CAMSAP2: variants seen among roughly 807,000 people sequenced by gnomAD.
The protein encoded by CAMSAP2 is calmodulin-regulated spectrin-associated protein 2.
A neutral mutation model predicts 146.1 loss-of-function variants in CAMSAP2; 26 were observed. The ratio of observed to expected loss-of-function variants is 0.18; its 90% confidence interval spans 0.13 to 0.25. The LOEUF (loss-of-function observed/expected upper bound fraction) is 0.25, where lower values mean the gene tolerates loss of function less well. Among genes scored for constraint, CAMSAP2 ranks in the 10% least tolerant of loss-of-function variants. The pLI is 1.00. For synonymous variants in CAMSAP2, 499 were observed against 596.6 expected (o/e 0.84, Z 2.38); for missense variants, 1,381 against 1,759.3 (o/e 0.78, Z 3.85).
intron 6 of CAMSAP2, among the ~76,000 whole-genome samples, chr1:200,839,885 G>A (rs1667273612): frequency 6.6e-6 from 1 of 152,178 alleles, no homozygotes; most frequent in Admixed American, 6.5e-5. Context: ...TAAAGTTTCT[G>A]AGAAGTCAAG....
At chr1:200,823,561 A>T (rs1666827921) in intron 4 of CAMSAP2, among the ~76,000 whole-genome samples, 1 of 152,182 alleles carries the variant, frequency 6.6e-6, no homozygotes, top group Admixed American at 6.5e-5. Flanking sequence ...TCATGGTTAG[A>T]CTGGAGTTAC....
Position 200,739,901 on chromosome 1 carries a change from A to G in CAMSAP2, c.74A>G (p.Tyr25Cys). Residue 25 changes from tyrosine to cysteine, a missense_variant, in exon 1 of 17, where the codon TAT (tyrosine) becomes TGT (cysteine). By Grantham distance (194) the Tyr-to-Cys change is radical (BLOSUM62 -2). Transcript: ENST00000358823. This position sits in a 1 kb window ranked among gnomAD's most constrained non-coding sequence, Gnocchi z 4.8. ...CCAGCCATCAAGCCTTTTGACCACT[A>G]TGATTTCTCCAGGGCCAAAATCGCC... ...IVPAIKPFDH[Y>C]DFSRAKIACN... The G allele has an allele frequency of 2.5e-6, 4 of 1,614,138 alleles. No homozygotes were observed. The highest frequency in any genetic ancestry group is 2.2e-5 in the East Asian group (1 of 44,870).
At chr1:200,787,185 T>A (rs1332582631) in intron 2 of CAMSAP2, among the ~76,000 whole-genome samples, 1 of 152,210 alleles carries the variant, frequency 6.6e-6, no homozygotes, top group South Asian at 2.1e-4. Flanking sequence ...TTTCAAGTCT[T>A]TTTATTTAAG....
intron 4 of CAMSAP2, among the ~76,000 whole-genome samples, chr1:200,817,265 CACACAT>C (rs1330690888): frequency 3.4e-5 from 5 of 146,086 alleles, no homozygotes; most frequent in South Asian, 2.2e-4. Flanking sequence ...TGTGTATATA[CACACAT>C]ATATATATAT....
chr1:200,817,024 A>G (rs1369532211), intron 4 of CAMSAP2, among the ~76,000 whole-genome samples: 4 of 140,366 alleles, frequency 2.8e-5, no homozygotes, highest in Non-Finnish European at 6.4e-5. Flanking sequence ...ACACGTATAT[A>G]TGTGTATACC....
At chr1:200,835,988 G>C (rs73086671) in intron 6 of CAMSAP2, among the ~76,000 whole-genome samples, 1 of 151,878 alleles carries the variant, frequency 6.6e-6, no homozygotes, top group South Asian at 2.1e-4. Flanking sequence ...TCTTAAATTA[G>C]GTATATTTAA....
intron 1 of CAMSAP2, among the ~76,000 whole-genome samples, chr1:200,740,697 G>A (rs1245787627): frequency 6.6e-6 from 1 of 152,160 alleles, no homozygotes; most frequent in Non-Finnish European, 1.5e-5. Flanking sequence ...TTTCGAAGGC[G>A]TGTGCTGTTG....
chr1:200,788,578 G>A (rs1046236393), intron 2 of CAMSAP2, among the ~76,000 whole-genome samples: 2 of 151,564 alleles, frequency 1.3e-5, no homozygotes, highest in East Asian at 1.9e-4. Context: ...GGATTTAGAC[G>A]TTCTAATAGG....
At chr1:200,811,561 T>C (rs769166501) in intron 3 of CAMSAP2, among the ~76,000 whole-genome samples, 1 of 152,166 alleles carries the variant, frequency 6.6e-6, no homozygotes, top group Non-Finnish European at 1.5e-5. Flanking sequence ...TTGAATTCTT[T>C]CTTGCTTCTA....
At position 200,832,568 on chromosome 1, in the gene CAMSAP2, A is replaced by C. The variant is rs184024090; in HGVS notation, c.788-138A>C. Reference sequence around the variant, plus strand: ...AAATAGTGCTCGGTTTCTAAGTCTTAATGTATAATGACTACTATATTTATA... The same window carrying C: ...AAATAGTGCTCGGTTTCTAAGTCTTCATGTATAATGACTACTATATTTATA... On this transcript the variant is annotated intron_variant, in intron 5 of 16. Transcript: ENST00000358823. The surrounding 1 kb of genome is among the most constrained non-coding windows in gnomAD (Gnocchi z 4.2). 1.6e-3 allele frequency: 1,212 copies of C among 764,746 alleles called. 10 individuals are homozygous for C. The African/African-American group carries it at 0.019, about 12-fold the overall frequency. The allele number at this position is 764,746 out of a possible 1,614,324, so 47.4% of individuals were successfully genotyped here. A position where few individuals can be genotyped will look rare whatever the true frequency, so the allele number is the denominator to read the frequency against.
intron 3 of CAMSAP2, among the ~76,000 whole-genome samples, chr1:200,809,738 A>G (rs1392266580): frequency 6.6e-6 from 1 of 152,146 alleles, no homozygotes; most frequent in Non-Finnish European, 1.5e-5. Context: ...CAAAATAATA[A>G]TAATGATAAT....
At chr1:200,787,031 G>C (rs1665613691) in intron 2 of CAMSAP2, among the ~76,000 whole-genome samples, 1 of 150,528 alleles carries the variant, frequency 6.6e-6, no homozygotes, top group Non-Finnish European at 1.5e-5. Context: ...AAAAAAAAAA[G>C]ATTCCTTTCA....
In CAMSAP2 at chr1:200,849,801, A is replaced by G; in HGVS notation, c.3032A>G (p.Gln1011Arg). Residue 1011 changes from glutamine (Q) to arginine (R), a missense_variant, in exon 11 of 17, where the codon CAA (glutamine) becomes CGA (arginine). By Grantham distance (43) the Gln-to-Arg change is conservative (BLOSUM62 1). This residue lies in a region of CAMSAP2 where 560 missense variants were observed against 715.9 expected (regional missense o/e 0.78). Transcript: ENST00000358823. The surrounding 1 kb of genome is among the most constrained non-coding windows in gnomAD (Gnocchi z 6.3). ...LPRLRRFSPS[Q>R]VPIQTRSFVC... The stretch of plus-strand genomic sequence containing the variant: ...CGGTTAAGGAGGTTTTCACCAAGTC[A>G]AGTTCCTATTCAAACTAGGTCATTT... 1 of 1,614,220 alleles carries G rather than the reference A, an allele frequency of 6.2e-7. No individual in the cohort carries two copies. The highest frequency in any genetic ancestry group is 1.1e-5 in the South Asian group (1 of 91,086).
intron 6 of CAMSAP2, among the ~76,000 whole-genome samples, chr1:200,838,853 A>G (rs1011583791): frequency 2.6e-5 from 4 of 152,228 alleles, no homozygotes; most frequent in Non-Finnish European, 5.9e-5. Flanking sequence ...GGTGAATTCC[A>G]GAAATATTTA....
chr1:200,801,882 A>G (rs1395195011), intron 2 of CAMSAP2, among the ~76,000 whole-genome samples: 7 of 151,958 alleles, frequency 4.6e-5, no homozygotes, highest in Non-Finnish European at 7.4e-5. Context: ...TTATTTATTT[A>G]TTTGTTCTGG....
intron 2 of CAMSAP2, among the ~76,000 whole-genome samples, chr1:200,796,022 A>G (rs748638375): frequency 1.2e-4 from 18 of 152,226 alleles, no homozygotes; most frequent in Non-Finnish European, 2.6e-4. Context: ...CATATGTCAT[A>G]TTGTTAAGAT....
Position 200,858,304 on chromosome 1 carries a change from A to T in CAMSAP2, c.*245A>T, listed in dbSNP as rs1306729574. 2.5e-6 allele frequency: 1 copy of T among 400,490 alleles called. No individual in the cohort carries two copies. The highest frequency in any genetic ancestry group is 4.4e-6 in the Non-Finnish European group (1 of 227,118). The allele number at this position is 400,490 out of a possible 1,614,324, so 24.8% of individuals were successfully genotyped here. ...TCACAAATGGAGATTTGTATGTGTT[A>T]TCAGGTTCACCTGCTTGATATTAGA... On this transcript the variant is annotated 3_prime_UTR_variant, in exon 17 of 17. Transcript: ENST00000358823.
intron 1 of CAMSAP2, among the ~76,000 whole-genome samples, chr1:200,743,833 C>A (rs1434664077): frequency 2.6e-5 from 4 of 152,072 alleles, no homozygotes; most frequent in African/African-American, 4.8e-5. Flanking sequence ...CCCAACTACT[C>A]AGGAGGCTGA....
rs145671439 is a variant in CAMSAP2, at chr1:200,818,015, C to T, written c.645+2371C>T. Among the ~76,000 whole-genome samples the T allele has an allele frequency of 5.3e-5, 8 of 152,296 alleles. No individual in the cohort carries two copies. The East Asian group carries it at 1.5e-3, about 29-fold the overall frequency. On this transcript the variant is annotated intron_variant, in intron 4 of 16. Coordinates refer to ENST00000358823, the MANE Select transcript of CAMSAP2 (RefSeq NM_203459.4). ...TCCTTCCCTTTCTCTTTTTCATAAT[C>T]ATAGGAGCTGAAACTTTTGCCTTGG... is the stretch of plus-strand genomic sequence containing the variant.
Sources: gnomAD v4.1 joint callset for allele counts (sites outside exome capture counted in the v4.1 genomes callset) on GRCh38, gnomAD v4.1.1 for gene constraint, gnomAD v4.1.1 regional missense constraint, Gnocchi (gnomAD v3.1) non-coding constraint, MANE v1.5 for transcripts, NCBI Gene and HGNC (gene_info 2026-07-23, HGNC 2026-07-21) for gene names.